Variants in SUPT5H observed in about 807,000 individuals in gnomAD.
SUPT5H encodes the protein SPT5 homolog, DSIF elongation factor subunit, also known as transcription elongation factor SPT5.
SUPT5H carries 24 observed loss-of-function variants against 142.5 expected under a neutral mutation model. The observed-to-expected ratio is 0.17, with a 90% CI of 0.12 to 0.24. The LOEUF is 0.24. Ranked by LOEUF, SUPT5H falls within the 10% of genes least tolerant of loss-of-function variation. SUPT5H has a pLI of 1.00. For synonymous variants in SUPT5H, 546 were observed against 553.0 expected, an observed-to-expected ratio of 0.99 and a Z score of 0.18; for missense variants, 893 against 1,471.8, an observed-to-expected ratio of 0.61 and a Z score of 6.43.
In SUPT5H at chr19:39,458,678, G is replaced by A. The variant is rs2079122939; in HGVS notation, c.320-140G>A. 1 of 809,052 alleles carries A rather than the reference G, an allele frequency of 1.2e-6. No homozygotes were observed. Among genetic ancestry groups the A allele is most frequent in the African/African-American group, 1.7e-5 (1 of 57,446 alleles). The allele number at this position is 809,052 out of a possible 1,614,324, so 50.1% of individuals were successfully genotyped here. ...CTGAGTAGGACAGAGTAGGGGATGA[G>A]GGGTTGGGATTTCCTCTGTGAGATG... On this transcript the variant is annotated intron_variant, in intron 5 of 29. Transcript: ENST00000432763. This position sits in a 1 kb window ranked among gnomAD's most constrained non-coding sequence, Gnocchi z 4.2.
Position 39,470,094 on chromosome 19 carries a change from G to C in SUPT5H, c.1375-25G>C, listed in dbSNP as rs762383756. On this transcript the variant is annotated intron_variant, in intron 16 of 29. Transcript: ENST00000432763. The surrounding 1 kb of genome is among the most constrained non-coding windows in gnomAD (Gnocchi z 5.8). ...TGTGGTGGTCTCCCTTCACCTGTTT[G>C]TTGTCCCCACACCCAATCCCCCAGG... is the stretch of plus-strand genomic sequence containing the variant. 2 of 1,607,146 alleles carry C rather than the reference G, an allele frequency of 1.2e-6. No individual in the cohort carries two copies. Among genetic ancestry groups the C allele is most frequent in the Non-Finnish European group, 8.5e-7 (1 of 1,175,324 alleles).
chr19:39,469,654 G>T lies in SUPT5H; in HGVS notation c.1374+256G>T, dbSNP rs2079291607. ...TTGTTTCTGAAAAGCAAGATATCTG[G>T]GTAGTACTGGGTTGAGAGTGTGATT... On this transcript the variant is annotated intron_variant, in intron 16 of 29. Transcript: ENST00000432763. The surrounding 1 kb of genome is among the most constrained non-coding windows in gnomAD (Gnocchi z 5.1). 1.7e-6 allele frequency: 1 copy of T among 574,634 alleles called. No individual in the cohort carries two copies. The highest frequency in any genetic ancestry group is 3.0e-5 in the Admixed American group (1 of 32,938). The allele number at this position is 574,634 out of a possible 1,614,324, so 35.6% of individuals were successfully genotyped here. A position where few individuals can be genotyped will look rare whatever the true frequency, so the allele number is the denominator to read the frequency against.
At chr19:39,465,165 G>A in intron 11 of SUPT5H, 116 bp downstream of exon 11, 2 of 1,429,200 alleles carry the variant, frequency 1.4e-6, no homozygotes, top group Admixed American at 2.3e-5. Flanking sequence ...ACTCAGATGA[G>A]TTGAAGCAGA....
At chr19:39,446,053 C>T (rs2116932) in intron 2 of SUPT5H, 88 bp downstream of exon 2, 766,495 of 1,407,526 alleles carry the variant, frequency 0.54, 211,677 homozygotes, top group African/African-American at 0.76. Context: ...GAGGGGTTCA[C>T]AGCGGGCTCT....
In SUPT5H at chr19:39,459,972, A is replaced by G; in HGVS notation, c.624+12A>G. On this transcript the variant is annotated intron_variant, in intron 10 of 29. Transcript: ENST00000432763. ...AGTTCACAGACACGGTAAGTCGGGTAGACAGGCGGCTTGGTGGGGAGACAT... is the reference window on the plus strand; with the variant it reads ...AGTTCACAGACACGGTAAGTCGGGTGGACAGGCGGCTTGGTGGGGAGACAT... 7.4e-6 allele frequency: 12 copies of G among 1,614,036 alleles called. No homozygotes were observed. Among genetic ancestry groups the G allele is most frequent in the Admixed American group, 1.7e-5 (1 of 60,002 alleles).
rs1341029948 is a variant in SUPT5H, at chr19:39,466,969, G to A, written c.1037+224G>A. ...CGCAGCGGGAGGGAGCACTTTGGAA[G>A]GCTAAGGCAGGAGGCTTGCTTGAGG... On this transcript the variant is annotated intron_variant, in intron 13 of 29. Transcript: ENST00000432763. The surrounding 1 kb of genome is among the most constrained non-coding windows in gnomAD (Gnocchi z 4.3). 2 of 558,920 alleles carry A rather than the reference G, an allele frequency of 3.6e-6. No individual in the cohort carries two copies. Among genetic ancestry groups the A allele is most frequent in the African/African-American group, 1.9e-5 (1 of 53,180 alleles). 34.6% of individuals were successfully genotyped at this position (558,920 alleles called of 1,614,324 possible).
chr19:39,458,128 C>T lies in SUPT5H; in HGVS notation c.308-166C>T. ...TCTCCCCAACCACCTGGTGCCTGGC[C>T]TTTACTTTTGGTTTTCAACCTTTCT... On this transcript the variant is annotated intron_variant, in intron 4 of 29. Transcript: ENST00000432763. The surrounding 1 kb of genome is among the most constrained non-coding windows in gnomAD (Gnocchi z 4.2). 3.1e-5 allele frequency: 38 copies of T among 1,235,518 alleles called. 1 individual carries two copies. The highest frequency in any genetic ancestry group is 4.2e-5 in the Non-Finnish European group (38 of 906,900). The allele number at this position is 1,235,518 out of a possible 1,614,324, so 76.5% of individuals were successfully genotyped here.
chr19:39,449,891 C>T (rs964515004), intron 2 of SUPT5H, among the ~76,000 whole-genome samples: 1 of 150,954 alleles, frequency 6.6e-6, no homozygotes, highest in African/African-American at 2.4e-5. Context: ...TCGCCTACCT[C>T]GGCCTCCCAA....
Position 39,468,743 on chromosome 19 carries a change from C to A in SUPT5H, c.1038-13C>A, listed in dbSNP as rs773579070. On this transcript the variant is annotated splice_polypyrimidine_tract_variant and intron_variant, in intron 13 of 29. Transcript: ENST00000432763. ...CTCTCCCTTCTAATCTTCTCTCCCC[C>A]ATCAAATTCCAGGTCCCTGGGGGGT... 1.9e-6 allele frequency: 3 copies of A among 1,610,628 alleles called. No individual in the cohort carries two copies. In the South Asian group the frequency reaches 3.3e-5, roughly 18 times the overall value.
At chr19:39,459,751 T>A in intron 9 of SUPT5H, 141 bp from the exon 10 acceptor site, 1 of 1,282,948 alleles carries the variant, frequency 7.8e-7, no homozygotes, top group Non-Finnish European at 1.1e-6. Flanking sequence ...ATCTCCCACC[T>A]CCATCTTCCT....
rs756763360 is a variant in SUPT5H, at chr19:39,476,189, G to C, written c.3120+13G>C. On this transcript the variant is annotated intron_variant, in intron 29 of 29. Coordinates refer to ENST00000432763, the MANE Select transcript of SUPT5H (RefSeq NM_001111020.3). ...CAAGAACAACAAGGTAAGGGCAGGG[G>C]GCAAGGAGATAAGATGGGGCCGTTG... 12 of 1,614,012 alleles carry C rather than the reference G, an allele frequency of 7.4e-6. No homozygotes were observed. In the East Asian group the frequency reaches 2.7e-4, roughly 36 times the overall value.
chr19:39,470,755 G>A lies in SUPT5H; in HGVS notation c.1677+232G>A, dbSNP rs933305313. On this transcript the variant is annotated intron_variant, in intron 18 of 29. Transcript: ENST00000432763. This position sits in a 1 kb window ranked among gnomAD's most constrained non-coding sequence, Gnocchi z 5.8. ...GAGAGCAGCGTCTACTTTGTTCATA[G>A]TGAATGATTCCCTGAGGTTAGATCT... is the stretch of plus-strand genomic sequence containing the variant. Among the ~76,000 whole-genome samples, 2 of 152,168 alleles carry A rather than the reference G, an allele frequency of 1.3e-5. No homozygotes were observed. The highest frequency in any genetic ancestry group is 2.4e-5 in the African/African-American group (1 of 41,420).
At position 39,470,968 on chromosome 19, in the gene SUPT5H, G is replaced by T. The variant is rs1411685411; in HGVS notation, c.1678-389G>T. ...CTAGTGACTCACCCTCTCTGAGCCT[G>T]AGTTTCCCTCTGTAAGATGGAAATC... On this transcript the variant is annotated intron_variant, in intron 18 of 29. Coordinates refer to ENST00000432763, the MANE Select transcript of SUPT5H (RefSeq NM_001111020.3). This position sits in a 1 kb window ranked among gnomAD's most constrained non-coding sequence, Gnocchi z 5.8. Among the ~76,000 whole-genome samples the T allele has an allele frequency of 6.6e-6, 1 of 152,132 alleles. No individual in the cohort carries two copies. Among genetic ancestry groups the T allele is most frequent in the Non-Finnish European group, 1.5e-5 (1 of 68,024 alleles).
In SUPT5H at chr19:39,474,070, C is replaced by T. The variant is rs1226743616; in HGVS notation, c.2600C>T (p.Ser867Phe). The change falls in exon 26 of 30, where the codon TCC becomes TTC. Residue 867 changes from serine to phenylalanine, a missense_variant. Physicochemically the swap from Ser to Phe is radical, Grantham distance 155. Around this residue, in one of 6 missense-constraint regions of SUPT5H, gnomAD observed 336 missense variants for 546.5 expected, o/e 0.61. Coordinates refer to ENST00000432763, the MANE Select transcript of SUPT5H (RefSeq NM_001111020.3). This position sits in a 1 kb window ranked among gnomAD's most constrained non-coding sequence, Gnocchi z 6.5. Reference sequence around the variant, plus strand: ...ACACCTGGCTACCCAGACCCCTCGTCCCCACAGGTCAACCCACAATACAAC... The same window carrying T: ...ACACCTGGCTACCCAGACCCCTCGTTCCCACAGGTCAACCCACAATACAAC... The part of the protein sequence containing the change: ...PQTPGYPDPS[S>F]PQVNPQYNPQ... The T allele has an allele frequency of 6.2e-7, 1 of 1,608,804 alleles. No homozygotes were observed. The highest frequency in any genetic ancestry group is 2.2e-5 in the East Asian group (1 of 44,854).
intron 18 of SUPT5H, among the ~76,000 whole-genome samples, chr19:39,471,050 T>G (rs2079312531): frequency 1.3e-5 from 2 of 152,192 alleles, no homozygotes; most frequent in African/African-American, 2.4e-5. Context: ...TTACGGGGCC[T>G]GACACAGAAT....
chr19:39,471,827 G>T, intron 20 of SUPT5H, 97 bp downstream of exon 20: 1 of 1,476,952 alleles, frequency 6.8e-7, no homozygotes. Context: ...GCTTGTGAGG[G>T]ATTAGGAGAG....
chr19:39,474,155 T>C lies in SUPT5H; in HGVS notation c.2651+34T>C, dbSNP rs2079367851. The C allele has an allele frequency of 6.2e-7, 1 of 1,608,140 alleles. No individual in the cohort carries two copies. Among genetic ancestry groups the C allele is most frequent in the Non-Finnish European group, 8.5e-7 (1 of 1,176,870 alleles). On this transcript the variant is annotated intron_variant, in intron 26 of 29. Coordinates refer to ENST00000432763, the MANE Select transcript of SUPT5H (RefSeq NM_001111020.3). This position sits in a 1 kb window ranked among gnomAD's most constrained non-coding sequence, Gnocchi z 6.5. ...ACTGGGGCCTGCCCTCGTCTACCCC[T>C]GCCCAAACCCTCCTACTGCCACCAC...
At chr19:39,468,888 A>T (rs761083621) in intron 14 of SUPT5H, 27 bp downstream of exon 14, 2 of 1,607,924 alleles carry the variant, frequency 1.2e-6, no homozygotes, top group East Asian at 2.2e-5. Context: ...GGTGTTGGTA[A>T]TGGGGGTGGT....
Position 39,470,166 on chromosome 19 carries a change from G to A in SUPT5H, c.1422G>A (p.Met474Ile). The change falls in exon 17 of 30, where the codon ATG (methionine) becomes ATA (isoleucine). Residue 474 changes from methionine to isoleucine, a missense_variant. Physicochemically the swap from Met to Ile is conservative, Grantham distance 10 (BLOSUM62 1). This residue lies in a region of SUPT5H where 428 missense variants were observed against 763.5 expected (regional missense o/e 0.56). Transcript: ENST00000432763. This position sits in a 1 kb window ranked among gnomAD's most constrained non-coding sequence, Gnocchi z 5.8. ...PAQELRKYFK[M>I]GDHVKVIAGR... ...AGGAACTTAGAAAATACTTCAAGAT[G>A]GGGGACCACGTGAAGGTGATTGCTG... 4 of 1,613,036 alleles carry A rather than the reference G, an allele frequency of 2.5e-6. No homozygotes were observed. Among genetic ancestry groups the A allele is most frequent in the Non-Finnish European group, 3.4e-6 (4 of 1,179,446 alleles).
Sources: allele counts gnomAD v4.1 joint callset (sites outside exome capture counted in the v4.1 genomes callset), GRCh38; gene constraint gnomAD v4.1.1; regional missense constraint gnomAD v4.1.1; non-coding constraint Gnocchi (gnomAD v3.1); transcripts MANE v1.5; gene names NCBI Gene and HGNC (gene_info 2026-07-23, HGNC 2026-07-21).